ARHGEF33: variants seen among roughly 807,000 people sequenced by gnomAD.
ARHGEF33 encodes DH and coiled-coil domain-containing protein ENSP00000381780.
A neutral mutation model predicts 101.9 loss-of-function variants in ARHGEF33; 72 were observed. That is an observed-to-expected ratio of 0.71 (90% confidence interval 0.58 to 0.86). ARHGEF33 has a LOEUF of 0.86. Among genes scored for constraint, ARHGEF33 ranks in the 40% least tolerant of loss-of-function variants. ARHGEF33 has a pLI of 0.00. For synonymous variants in ARHGEF33, 499 were observed against 442.5 expected, an observed-to-expected ratio of 1.13 and a Z score of -1.60; for missense variants, 1,169 against 1,111.3, an observed-to-expected ratio of 1.05 and a Z score of -0.74.
At chr2:38,914,682 A>G (rs968076357) in intron 2 of ARHGEF33, among the ~76,000 whole-genome samples, 2 of 151,920 alleles carry the variant, frequency 1.3e-5, no homozygotes, top group Non-Finnish European at 2.9e-5. Flanking sequence ...AAAAAAAAAA[A>G]AAGTAATTTC....
rs140032436 is a variant in ARHGEF33, at chr2:38,970,321, G to A, written c.2484-3393G>A. On this transcript the variant is annotated intron_variant, in intron 17 of 17. Coordinates refer to ENST00000409978, the MANE Select transcript of ARHGEF33 (RefSeq NM_001145451.5). ...ATCCTCTTCTTTTGGTGTCTTCCCA[G>A]CAGTTTTTGTATATGCCCAGCTTCA... 1.1e-3 allele frequency among the ~76,000 whole-genome samples: 167 copies of A among 152,262 alleles called. 1 individual carries two copies. The highest frequency in any genetic ancestry group is 3.4e-3 in the African/African-American group (142 of 41,558).
chr2:38,960,217 G>A lies in ARHGEF33; in HGVS notation c.1912G>A (p.Ala638Thr). ...CGACGAGGAGCCGTTCCAGGCTCCGGCCCTCTTCGAGAACTGCTCGCCTGC... is the reference window on the plus strand; with the variant it reads ...CGACGAGGAGCCGTTCCAGGCTCCGACCCTCTTCGAGAACTGCTCGCCTGC... ...PYDEEPFQAPALFENCSPASS... is the reference protein window; with the variant it reads ...PYDEEPFQAPTLFENCSPASS... Residue 638 changes from alanine (A) to threonine (T), a missense_variant, in exon 16 of 18, where the codon GCC becomes ACC. Transcript: ENST00000409978. 6.5e-7 allele frequency: 1 copy of A among 1,546,734 alleles called. No homozygotes were observed. Among genetic ancestry groups the A allele is most frequent in the Non-Finnish European group, 8.7e-7 (1 of 1,145,246 alleles).
Position 38,916,697 on chromosome 2 carries a change from A to ACC in ARHGEF33, c.-85-2664_-85-2663dup, listed in dbSNP as rs148742658. On this transcript the variant is annotated intron_variant, in intron 2 of 17. Coordinates refer to ENST00000409978, the MANE Select transcript of ARHGEF33 (RefSeq NM_001145451.5). ...TCCCAATGGCTTTTTACCTGTGTGTACCCTCCCACCCTGCCAACTTATTAT... is the reference window on the plus strand; with the variant it reads ...TCCCAATGGCTTTTTACCTGTGTGTACCCCCTCCCACCCTGCCAACTTATTAT... Among the ~76,000 whole-genome samples, 325 of 151,994 alleles carry ACC rather than the reference A, an allele frequency of 2.1e-3. 1 individual carries two copies. Among genetic ancestry groups the ACC allele is most frequent in the African/African-American group, 7.2e-3 (297 of 41,422 alleles).
At chr2:38,933,532 C>T (rs945110823) in intron 7 of ARHGEF33, among the ~76,000 whole-genome samples, 3 of 152,040 alleles carry the variant, frequency 2.0e-5, no homozygotes, top group African/African-American at 7.3e-5. Context: ...TACAGGCACC[C>T]GCCACCATGC....
At chr2:38,901,724 T>G (rs1412537278) in intron 2 of ARHGEF33, among the ~76,000 whole-genome samples, 1 of 152,180 alleles carries the variant, frequency 6.6e-6, no homozygotes, top group South Asian at 2.1e-4. Flanking sequence ...GTAAATAATT[T>G]TCCCAAGGTC....
chr2:38,970,939 G>T (rs767233837), intron 17 of ARHGEF33, among the ~76,000 whole-genome samples: 2 of 152,156 alleles, frequency 1.3e-5, no homozygotes, highest in Admixed American at 6.5e-5. Flanking sequence ...CACGATACTG[G>T]TGCTGTCCTT....
At chr2:38,966,734 T>C (rs1040026478) in intron 17 of ARHGEF33, among the ~76,000 whole-genome samples, 4 of 152,218 alleles carry the variant, frequency 2.6e-5, no homozygotes. Flanking sequence ...CCTGTGGTCC[T>C]TCTGAGATTC....
intron 2 of ARHGEF33, among the ~76,000 whole-genome samples, chr2:38,917,102 C>CTTCTTTTTTTTTTT (rs1553341356): frequency 3.1e-5 from 4 of 129,326 alleles, no homozygotes; most frequent in African/African-American, 5.9e-5. Context: ...AACCGGTCTT[C>CTTCTTTTTTTTTTT]TTTTTTTGAG....
chr2:38,926,810 T>A (rs980921633), intron 4 of ARHGEF33, among the ~76,000 whole-genome samples: 16 of 152,226 alleles, frequency 1.1e-4, no homozygotes, highest in African/African-American at 2.9e-4. Context: ...GTGGTTCCCT[T>A]TTTATTTTTT....
intron 15 of ARHGEF33, among the ~76,000 whole-genome samples, chr2:38,958,429 A>G (rs1228224432): frequency 2.0e-5 from 3 of 152,240 alleles, no homozygotes; most frequent in Non-Finnish European, 4.4e-5. Context: ...TTCATGGATC[A>G]CTTCAACTCT....
Position 38,912,060 on chromosome 2 carries a change from A to C in ARHGEF33, c.-85-7303A>C, listed in dbSNP as rs535145066. 1.6e-4 allele frequency among the ~76,000 whole-genome samples: 24 copies of C among 152,240 alleles called. No individual in the cohort carries two copies. In the South Asian group the frequency reaches 4.8e-3, roughly 30 times the overall value. ...TGGGCTTCAAAAAATATAAACTGAA[A>C]ACCATGGCTTTGTAACATGATCAGG... On this transcript the variant is annotated intron_variant, in intron 2 of 17. Coordinates refer to ENST00000409978, the MANE Select transcript of ARHGEF33 (RefSeq NM_001145451.5).
chr2:38,943,924 G>A lies in ARHGEF33; in HGVS notation c.814G>A (p.Glu272Lys). The A allele has an allele frequency of 6.4e-7, 1 of 1,551,896 alleles. No individual in the cohort carries two copies. The highest frequency in any genetic ancestry group is 8.7e-7 in the Non-Finnish European group (1 of 1,147,014). ...LAAKRQTVAL[E>K]LLESERKYVI... is the part of the protein sequence containing the mutation. The stretch of plus-strand genomic sequence containing the variant: ...AGCTAAAAGACAGACTGTGGCCCTG[G>A]AACTGCTTGAATCTGAAAGAAAATA... Residue 272 changes from glutamate (E) to lysine (K), a missense_variant, in exon 10 of 18, where the codon GAA (glutamate) becomes AAA (lysine). Glu to Lys is a moderately conservative substitution (Grantham distance 56). Coordinates refer to ENST00000409978, the MANE Select transcript of ARHGEF33 (RefSeq NM_001145451.5).
chr2:38,899,474 G>A (rs146160336), intron 2 of ARHGEF33, among the ~76,000 whole-genome samples: 20 of 152,116 alleles, frequency 1.3e-4, no homozygotes, highest in Admixed American at 6.5e-4. Context: ...TACCACATGA[G>A]CTCACTTATA....
At chr2:38,912,662 G>A (rs1049863380) in intron 2 of ARHGEF33, among the ~76,000 whole-genome samples, 20 of 152,202 alleles carry the variant, frequency 1.3e-4, no homozygotes, top group African/African-American at 4.8e-4. Flanking sequence ...ATGATGACAT[G>A]TTTTCTCAAG....
intron 10 of ARHGEF33, among the ~76,000 whole-genome samples, chr2:38,950,281 C>T (rs866892281): frequency 1.3e-5 from 2 of 152,130 alleles, no homozygotes; most frequent in Non-Finnish European, 2.9e-5. Flanking sequence ...CTTGTAGATG[C>T]CACCTCAGTG....
intron 13 of ARHGEF33, among the ~76,000 whole-genome samples, chr2:38,956,254 A>G (rs1667749275): frequency 6.6e-6 from 1 of 152,222 alleles, no homozygotes; most frequent in African/African-American, 2.4e-5. Context: ...ATTATTTACT[A>G]GATGTGTGAC....
At chr2:38,896,431 C>T (rs980624543) in intron 2 of ARHGEF33, among the ~76,000 whole-genome samples, 4 of 152,226 alleles carry the variant, frequency 2.6e-5, no homozygotes, top group Non-Finnish European at 5.9e-5. Context: ...AGCCACTGCG[C>T]TCAGCCATAT....
chr2:38,972,236 A>G (rs1004361332), intron 17 of ARHGEF33, among the ~76,000 whole-genome samples: 5 of 152,186 alleles, frequency 3.3e-5, no homozygotes, highest in Non-Finnish European at 7.4e-5. Context: ...TTGGGGCACA[A>G]CTGCACTCAT....
chr2:38,964,645 T>C (rs1668015565), intron 16 of ARHGEF33, among the ~76,000 whole-genome samples: 1 of 151,372 alleles, frequency 6.6e-6, no homozygotes, highest in Non-Finnish European at 1.5e-5. Flanking sequence ...AAGGTGGAGC[T>C]CAGGTAGTAA....
Sources: allele counts gnomAD v4.1 joint callset (sites outside exome capture counted in the v4.1 genomes callset), GRCh38; gene constraint gnomAD v4.1.1; transcripts MANE v1.5; gene names NCBI Gene and HGNC (gene_info 2026-07-23, HGNC 2026-07-21).